The following TP53BP2 variants were observed in gnomAD, a reference collection of about 807,000 sequenced individuals.
The protein encoded by TP53BP2 is tumor protein p53 binding protein 2.
TP53BP2 carries 62 observed loss-of-function variants against 126.2 expected under a neutral mutation model. The ratio of observed to expected loss-of-function variants is 0.49; its 90% CI spans 0.40 to 0.61. TP53BP2 has a LOEUF of 0.61. Ranked by LOEUF, TP53BP2 falls within the 20% of genes least tolerant of loss-of-function variation. The pLI, the probability that TP53BP2 is intolerant of heterozygous loss-of-function variation, is 0.00. For missense variants in TP53BP2, 1,215 were observed against 1,402.8 expected (o/e 0.87, Z 2.14); for synonymous variants, 485 against 502.9 (o/e 0.96, Z 0.48).
At chr1:223,838,759 T>C (rs1664006549) in intron 1 of TP53BP2, among the ~76,000 whole-genome samples, 1 of 152,178 alleles carries the variant, frequency 6.6e-6, no homozygotes, top group Admixed American at 6.5e-5. Context: ...ACAGATATCA[T>C]CTCAGGAAAG....
At chr1:223,814,005 C>A (rs1428026246) in intron 3 of TP53BP2, among the ~76,000 whole-genome samples, 1 of 150,572 alleles carries the variant, frequency 6.6e-6, no homozygotes, top group Non-Finnish European at 1.5e-5. Flanking sequence ...AGGGACCCTG[C>A]CTAACAAGTA....
chr1:223,832,659 T>C (rs1483251168), intron 1 of TP53BP2, among the ~76,000 whole-genome samples: 1 of 152,190 alleles, frequency 6.6e-6, no homozygotes, highest in Admixed American at 6.5e-5. Flanking sequence ...CTTCTAACAC[T>C]GGGCGGGGTT....
chr1:223,815,921 AGG>A, intron 2 of TP53BP2, among the ~76,000 whole-genome samples: 1 of 152,232 alleles, frequency 6.6e-6, no homozygotes, highest in Non-Finnish European at 1.5e-5. Flanking sequence ...GGTGTGTAGT[AGG>A]CTATACCATC....
chr1:223,787,367 A>G (rs950530631), intron 16 of TP53BP2, among the ~76,000 whole-genome samples: 1 of 151,398 alleles, frequency 6.6e-6, no homozygotes, highest in Non-Finnish European at 1.5e-5. Context: ...AACAAAATAC[A>G]TACATAAATA....
chr1:223,780,799 A>G lies in TP53BP2; in HGVS notation c.*54T>C. 1 of 1,574,764 alleles carries G rather than the reference A, an allele frequency of 6.4e-7. No individual in the cohort carries two copies. The highest frequency in any genetic ancestry group is 8.6e-7 in the Non-Finnish European group (1 of 1,157,900). On this transcript the variant is annotated 3_prime_UTR_variant, in exon 18 of 18. Transcript: ENST00000343537. ...AATTTTTGCCAAAAATAATCGTATT[A>G]CTTCTTCTTAACAGAGATTAATTCT... is the stretch of plus-strand genomic sequence containing the variant.
In TP53BP2 at chr1:223,784,316, TAA is replaced by T; in HGVS notation, c.3164-4_3164-3del. 1 of 1,613,952 alleles carries T rather than the reference TAA, an allele frequency of 6.2e-7. No individual in the cohort carries two copies. ...TTATGCCCATCTTCTCCTGAACTCC[TAA>T]AATCATGACAGTAAGATAAAGCACA... On this transcript the variant is annotated splice_region_variant and splice_polypyrimidine_tract_variant and intron_variant, in intron 16 of 17. Coordinates refer to ENST00000343537, the MANE Select transcript of TP53BP2 (RefSeq NM_001031685.3).
intron 1 of TP53BP2, among the ~76,000 whole-genome samples, chr1:223,842,924 G>A (rs1306024701): frequency 6.6e-6 from 1 of 152,172 alleles, no homozygotes; most frequent in African/African-American, 2.4e-5. Flanking sequence ...GCAAGTTGTG[G>A]AAATATCATA....
At chr1:223,823,611 T>C (rs936831424) in intron 1 of TP53BP2, among the ~76,000 whole-genome samples, 1 of 152,250 alleles carries the variant, frequency 6.6e-6, no homozygotes, top group African/African-American at 2.4e-5. Flanking sequence ...TACACAGTTC[T>C]AGAGTTCAAC....
rs773715066 is a variant in TP53BP2 at position 223,796,446 on chromosome 1, C to A, written c.2093G>T (p.Arg698Ile). Residue 698 changes from arginine to isoleucine, a missense_variant, in exon 13 of 18, where the codon AGA (arginine) becomes ATA (isoleucine). Arg to Ile is a moderately conservative substitution (Grantham distance 97). This residue lies in a region of TP53BP2 where 46 missense variants were observed against 93.0 expected (regional missense o/e 0.49). Transcript: ENST00000343537. The surrounding 1 kb of genome is among the most constrained non-coding windows in gnomAD (Gnocchi z 4.2). The part of the protein sequence containing the change: ...SSVQENHENE[R>I]IPRPLSPTKL... ...AGTTGGGCTGAGTGGCCGAGGAATTCTTTCGTTTTCATGGTTCTCCTGAAC... is the reference window on the plus strand; with the variant it reads ...AGTTGGGCTGAGTGGCCGAGGAATTATTTCGTTTTCATGGTTCTCCTGAAC... The A allele has an allele frequency of 6.2e-7, 1 of 1,614,194 alleles. No individual in the cohort carries two copies. Among genetic ancestry groups the A allele is most frequent in the Non-Finnish European group, 8.5e-7 (1 of 1,180,038 alleles).
Position 223,780,649 on chromosome 1 carries a change from G to A in TP53BP2, c.*204C>T. 1.7e-6 allele frequency: 1 copy of A among 588,196 alleles called. No individual in the cohort carries two copies. Among genetic ancestry groups the A allele is most frequent in the Non-Finnish European group, 3.0e-6 (1 of 334,662 alleles). 36.4% of individuals were successfully genotyped at this position (588,196 alleles called of 1,614,324 possible). On this transcript the variant is annotated 3_prime_UTR_variant, in exon 18 of 18. Transcript: ENST00000343537. ...TTGCCCCAACACAGTATGGCCTGCTGACGTAGATGCTTTATTTCATCACGC... is the reference window on the plus strand; with the variant it reads ...TTGCCCCAACACAGTATGGCCTGCTAACGTAGATGCTTTATTTCATCACGC...
intron 2 of TP53BP2, among the ~76,000 whole-genome samples, chr1:223,815,292 G>A (rs980927037): frequency 6.6e-6 from 1 of 152,162 alleles, no homozygotes; most frequent in Non-Finnish European, 1.5e-5. Context: ...CTGCTTGGCT[G>A]CAACAAAATG....
chr1:223,828,858 G>C (rs780109079), intron 1 of TP53BP2, among the ~76,000 whole-genome samples: 1 of 152,142 alleles, frequency 6.6e-6, no homozygotes, highest in Non-Finnish European at 1.5e-5. Flanking sequence ...ATAAAGGTAT[G>C]GGGTTTCTTT....
chr1:223,787,136 T>C (rs1349271210), intron 16 of TP53BP2, among the ~76,000 whole-genome samples: 1 of 152,060 alleles, frequency 6.6e-6, no homozygotes, highest in Non-Finnish European at 1.5e-5. Flanking sequence ...CCTCAAGAGA[T>C]CCACCTGCCT....
At chr1:223,783,916 AG>A (rs1406241726) in intron 17 of TP53BP2, among the ~76,000 whole-genome samples, 198 bp downstream of exon 17, 3 of 152,226 alleles carry the variant, frequency 2.0e-5, no homozygotes, top group Non-Finnish European at 4.4e-5. Context: ...CCTGACCTCC[AG>A]GGCTGGCAAA....
chr1:223,842,250 C>A (rs573440661), intron 1 of TP53BP2, among the ~76,000 whole-genome samples: 1 of 152,318 alleles, frequency 6.6e-6, no homozygotes, highest in East Asian at 1.9e-4. Context: ...CTATTATTTT[C>A]TTAAAACCAT....
In TP53BP2 at chr1:223,802,809, G is replaced by A. The variant is rs905381887; in HGVS notation, c.918C>T (p.Val306=). The part of the protein sequence containing the change: ...CLNKRNSEVA[V]MDKRVNELRD... ...TCAGCTCATTAACACGCTTATCCATGACTGCCACTTCTGAATTACGCTTAT... is the reference window on the plus strand; with the variant it reads ...TCAGCTCATTAACACGCTTATCCATAACTGCCACTTCTGAATTACGCTTAT... The change falls in exon 8 of 18, where the codon GTC becomes GTT. Residue 306 remains valine (V), a synonymous_variant. Transcript: ENST00000343537. 2.8e-5 allele frequency: 45 copies of A among 1,614,114 alleles called. No individual in the cohort carries two copies. The highest frequency in any genetic ancestry group is 3.5e-5 in the Non-Finnish European group (41 of 1,180,012).
At chr1:223,794,887 A>G (rs1320163685) in intron 13 of TP53BP2, among the ~76,000 whole-genome samples, 1 of 152,248 alleles carries the variant, frequency 6.6e-6, no homozygotes, top group Non-Finnish European at 1.5e-5. Flanking sequence ...GAATACTATC[A>G]TATCTAAAAG....
intron 5 of TP53BP2, among the ~76,000 whole-genome samples, chr1:223,804,607 A>G (rs1340198575): frequency 2.0e-5 from 3 of 152,224 alleles, no homozygotes; most frequent in African/African-American, 7.2e-5. Flanking sequence ...CTTATGCAGC[A>G]AGGATGCAGC....
At chr1:223,824,150 T>C (rs1035406645) in intron 1 of TP53BP2, among the ~76,000 whole-genome samples, 7 of 152,254 alleles carry the variant, frequency 4.6e-5, no homozygotes, top group African/African-American at 1.7e-4. Context: ...ATCTATCCTC[T>C]ATTCTTTAAG....
Sources: gnomAD v4.1 joint callset for allele counts (sites outside exome capture counted in the v4.1 genomes callset) on GRCh38, gnomAD v4.1.1 for gene constraint, gnomAD v4.1.1 regional missense constraint, Gnocchi (gnomAD v3.1) non-coding constraint, MANE v1.5 for transcripts, NCBI Gene and HGNC (gene_info 2026-07-23, HGNC 2026-07-21) for gene names.